The following CECR2 variants were observed in gnomAD, a reference collection of about 807,000 sequenced individuals.
The protein encoded by CECR2 is chromatin remodeling regulator CECR2.
Under a neutral mutation model 154.5 loss-of-function variants are expected in CECR2, and 30 were observed. The ratio of observed to expected loss-of-function variants is 0.19; its 90% CI spans 0.15 to 0.26. The LOEUF is 0.26. Among genes scored for constraint, CECR2 ranks in the 10% least tolerant of loss-of-function variants. The probability of loss-of-function intolerance (pLI) is 1.00; values close to 1 mark genes in which losing one functional copy is unlikely to be tolerated. For synonymous variants in CECR2, 725 were observed against 683.7 expected (o/e 1.06, Z -0.94); for missense variants, 1,743 against 1,829.3 (o/e 0.95, Z 0.86).
rs1416513830 is a variant in CECR2, at chr22:17,549,397, C to T, written c.4110C>T (p.Leu1370=). ...PRAYSSPVAA[L]PPHHPGATQP... ...CTTACTCTTCCCCTGTGGCTGCCCTCCCACCTCACCACCCAGGGGCCACCC... is the reference window on the plus strand; with the variant it reads ...CTTACTCTTCCCCTGTGGCTGCCCTTCCACCTCACCACCCAGGGGCCACCC... The change falls in exon 17 of 19, where the codon CTC becomes CTT. Residue 1370 remains leucine (L), a synonymous_variant. Coordinates refer to ENST00000262608, the MANE Select transcript of CECR2 (RefSeq NM_001290047.2). 5 of 1,613,746 alleles carry T rather than the reference C, an allele frequency of 3.1e-6. No homozygotes were observed. In the African/African-American group the frequency reaches 4.0e-5, roughly 13 times the overall value.
At chr22:17,425,451 G>A (rs1028207136) in intron 1 of CECR2, among the ~76,000 whole-genome samples, 1 of 152,118 alleles carries the variant, frequency 6.6e-6, no homozygotes, top group African/African-American at 2.4e-5. Context: ...CAGGTTTTAG[G>A]TGCTGAGTAT....
At position 17,537,229 on chromosome 22, in the gene CECR2, A is replaced by G; in HGVS notation, c.1235A>G (p.Asp412Gly). 1.2e-6 allele frequency: 2 copies of G among 1,613,798 alleles called. No homozygotes were observed. Among genetic ancestry groups the G allele is most frequent in the Non-Finnish European group, 1.7e-6 (2 of 1,179,828 alleles). The change falls in exon 10 of 19, where the codon GAC becomes GGC. Residue 412 changes from aspartate to glycine, a missense_variant. Physicochemically the swap from Asp to Gly is moderately conservative, Grantham distance 94. Transcript: ENST00000262608. ...SPMREEKKTKDLFELDDDFTA... is the reference protein window; with the variant it reads ...SPMREEKKTKGLFELDDDFTA... ...ATGAGAGAGGAAAAAAAGACTAAAG[A>G]CCTGTGAGTATTTAGTAACAACAAC...
intron 16 of CECR2, among the ~76,000 whole-genome samples, chr22:17,544,474 G>A (rs1055853513): frequency 1.3e-4 from 19 of 144,034 alleles, no homozygotes; most frequent in African/African-American, 5.0e-4. Context: ...CTCCGGCCTG[G>A]GCGACAGAGC....
intron 1 of CECR2, among the ~76,000 whole-genome samples, chr22:17,394,183 A>C (rs2053772926): frequency 7.1e-6 from 1 of 140,428 alleles, no homozygotes; most frequent in Admixed American, 7.3e-5. Context: ...CACCGCGCCC[A>C]GCTGCTGCCG....
rs141650997 is a variant in CECR2, at chr22:17,413,360, G to A, written c.126+43451G>A. On this transcript the variant is annotated intron_variant, in intron 1 of 18. Coordinates refer to ENST00000262608, the MANE Select transcript of CECR2 (RefSeq NM_001290047.2). ...AAATACCCTGTAAGATCTGCAGTCT[G>A]TTTTGGTTGCTTTTAATTGTTTTGA... 2.1e-3 allele frequency among the ~76,000 whole-genome samples: 322 copies of A among 152,264 alleles called. 1 individual carries two copies. The highest frequency in any genetic ancestry group is 6.2e-3 in the African/African-American group (257 of 41,538).
intron 1 of CECR2, among the ~76,000 whole-genome samples, chr22:17,363,419 A>G (rs2062986785): frequency 6.6e-6 from 1 of 152,102 alleles, no homozygotes; most frequent in African/African-American, 2.4e-5. Flanking sequence ...TATCGAGACC[A>G]GGCTGGTCTC....
chr22:17,367,252 C>T (rs2063007084), upstream of CECR2, among the ~76,000 whole-genome samples: 1 of 152,170 alleles, frequency 6.6e-6, no homozygotes, highest in African/African-American at 2.4e-5. Flanking sequence ...TCTCATCCCT[C>T]TGCTTGCTGG....
chr22:17,549,744 T>C (rs549695483), intron 17 of CECR2, among the ~76,000 whole-genome samples, 180 bp downstream of exon 17: 33 of 149,054 alleles, frequency 2.2e-4, no homozygotes, highest in Admixed American at 1.8e-3. Context: ...TTTAAGTAAC[T>C]GGGACTACAC....
chr22:17,400,373 G>A lies in CECR2; in HGVS notation c.126+30464G>A, dbSNP rs530697587. On this transcript the variant is annotated intron_variant, in intron 1 of 18. Coordinates refer to ENST00000262608, the MANE Select transcript of CECR2 (RefSeq NM_001290047.2). ...GCAGCCAGTCACTGAGGTGTGTGGAGTAGATGAGGAGGTCTGGAATGGATA... is the reference window on the plus strand; with the variant it reads ...GCAGCCAGTCACTGAGGTGTGTGGAATAGATGAGGAGGTCTGGAATGGATA... Among the ~76,000 whole-genome samples the A allele has an allele frequency of 2.0e-5, 3 of 152,324 alleles. No individual in the cohort carries two copies. In the East Asian group the frequency reaches 5.8e-4, roughly 29 times the overall value.
intron 1 of CECR2, among the ~76,000 whole-genome samples, chr22:17,391,327 C>T (rs1395502911): frequency 6.6e-6 from 1 of 152,204 alleles, no homozygotes; most frequent in Non-Finnish European, 1.5e-5. Flanking sequence ...CTGAAGCCAA[C>T]CCAGTTATCC....
rs938553668 is a variant in CECR2 at position 17,552,054 on chromosome 22, C to T, written c.4301C>T (p.Ser1434Leu). The T allele has an allele frequency of 4.0e-5, 65 of 1,613,862 alleles. No homozygotes were observed. The highest frequency in any genetic ancestry group is 8.0e-5 in the African/African-American group (6 of 74,914). ...PSGMQMHPVQ[S>L]QASFPKTPTA... is the part of the protein sequence containing the mutation. ...AGAATGCAGATGCACCCGGTCCAGT[C>T]GCAGGCCTCGTTCCCAAAGACCCCC... The change falls in exon 18 of 19, where the codon TCG (serine) becomes TTG (leucine). Residue 1434 changes from serine (S) to leucine (L), a missense_variant. Transcript: ENST00000262608.
rs1450047913 is a variant in CECR2 at position 17,555,378 on chromosome 22, G to GTC, written c.*2539_*2540dup. 1 of 152,220 alleles carries GTC rather than the reference G, an allele frequency of 6.6e-6. No individual in the cohort carries two copies. The highest frequency in any genetic ancestry group is 2.4e-5 in the African/African-American group (1 of 41,420). 9.4% of individuals were successfully genotyped at this position (152,220 alleles called of 1,614,324 possible). A position where few individuals can be genotyped will look rare whatever the true frequency, so the allele number is the denominator to read the frequency against. Reference sequence around the variant, plus strand: ...GCAGCAGAATTGTCAGCCTTCCTGCGTCCTGTGTGGGAATGTGTCCATGCC... The same window carrying GTC: ...GCAGCAGAATTGTCAGCCTTCCTGCGTCTCCTGTGTGGGAATGTGTCCATGCC... On this transcript the variant is annotated 3_prime_UTR_variant, in exon 19 of 19. Transcript: ENST00000262608.
At chr22:17,362,919 A>G (rs1456688866) in intron 1 of CECR2, among the ~76,000 whole-genome samples, 2 of 151,698 alleles carry the variant, frequency 1.3e-5, no homozygotes, top group Non-Finnish European at 2.9e-5. Flanking sequence ...AAAAAAAAAA[A>G]AAAGAATACG....
At chr22:17,447,374 C>G (rs1455029592) in intron 1 of CECR2, among the ~76,000 whole-genome samples, 2 of 151,854 alleles carry the variant, frequency 1.3e-5, no homozygotes, top group Non-Finnish European at 2.9e-5. Context: ...AGGATGGTCT[C>G]GATATCCTGA....
rs746646208 is a variant in CECR2, at chr22:17,477,647, C to T, written c.186C>T (p.Cys62=). The part of the protein sequence containing the change: ...DVEFISDLIA[C]LLQGCYQRRD... ...AGTTTATCAGTGACCTGATTGCCTG[C>T]CTGCTTCAGGGCTGCTATCAACGAA... The change falls in exon 2 of 19, where the codon TGC becomes TGT. Residue 62 remains cysteine (C), a synonymous_variant. Transcript: ENST00000262608. 1.2e-6 allele frequency: 2 copies of T among 1,612,954 alleles called. No homozygotes were observed. The highest frequency in any genetic ancestry group is 4.5e-5 in the East Asian group (2 of 44,878).
At chr22:17,458,543 G>A (rs1360010078) in intron 1 of CECR2, among the ~76,000 whole-genome samples, 1 of 151,078 alleles carries the variant, frequency 6.6e-6, no homozygotes, top group African/African-American at 2.4e-5. Flanking sequence ...TTATAGTTAT[G>A]TAAGATGTTA....
In CECR2 at chr22:17,505,026, A is replaced by G. The variant is rs766207839; in HGVS notation, c.870+10A>G. The G allele has an allele frequency of 1.9e-6, 3 of 1,611,706 alleles. No homozygotes were observed. The highest frequency in any genetic ancestry group is 2.2e-5 in the East Asian group (1 of 44,832). On this transcript the variant is annotated intron_variant, in intron 7 of 18. Transcript: ENST00000262608. ...CATGATCGCCCAGAAGGTGCGCCAC[A>G]CTCTCTGCTCTGTCCTCCTCAGTGT...
chr22:17,462,870 T>C (rs140957069), intron 1 of CECR2, among the ~76,000 whole-genome samples: 2,602 of 152,124 alleles, frequency 0.017, 73 homozygotes, highest in African/African-American at 0.059. Flanking sequence ...CAAGATCGTG[T>C]CACTGCCCTC....
intron 8 of CECR2, among the ~76,000 whole-genome samples, chr22:17,519,384 C>A (rs939315258): frequency 5.9e-5 from 9 of 151,650 alleles, no homozygotes; most frequent in Admixed American, 5.3e-4. Context: ...CTCTGCCTCC[C>A]GAGTAGCTGG....
Sources: allele counts gnomAD v4.1 joint callset (sites outside exome capture counted in the v4.1 genomes callset), GRCh38; gene constraint gnomAD v4.1.1; transcripts MANE v1.5; gene names NCBI Gene and HGNC (gene_info 2026-07-23, HGNC 2026-07-21).